CELF2: variants seen among roughly 807,000 people sequenced by gnomAD.
The protein encoded by CELF2 is CUGBP Elav-like family member 2.
A neutral mutation model predicts 62.6 loss-of-function variants in CELF2; 8 were observed. The ratio of observed to expected loss-of-function variants is 0.13; its 90% CI spans 0.07 to 0.23. The LOEUF (loss-of-function observed/expected upper bound fraction) is 0.23. Ranked by LOEUF, CELF2 falls within the 10% of genes least tolerant of loss-of-function variation. CELF2 has a pLI of 1.00. For synonymous variants in CELF2, 258 were observed against 250.0 expected, an observed-to-expected ratio of 1.03 and a Z score of -0.30; for missense variants, 333 against 671.0, an observed-to-expected ratio of 0.50 and a Z score of 5.56.
chr10:11,005,075 C>A (rs545283199), upstream of CELF2: 1 of 985,278 alleles, frequency 1.0e-6, no homozygotes, highest in South Asian at 4.7e-5. The surrounding 1 kb of genome is among the most constrained non-coding windows in gnomAD (Gnocchi z 4.3). Context: ...GTAATACCAG[C>A]CAGGCTTGAG....
chr10:11,221,643 A>G (rs890465082), intron 3 of CELF2, among the ~76,000 whole-genome samples: 1 of 152,244 alleles, frequency 6.6e-6, no homozygotes, highest in Non-Finnish European at 1.5e-5. Flanking sequence ...ATGTAATAAC[A>G]GAGAGGAATA....
upstream of CELF2, chr10:10,794,814 TATCCTC>T (rs1461922199): frequency 6.6e-6 from 1 of 152,186 alleles, no homozygotes; most frequent in African/African-American, 2.4e-5. Flanking sequence ...CTAATGATAT[TATCCTC>T]AACCACATGA....
At position 11,268,036 on chromosome 10, in the gene CELF2, C is replaced by T. The variant is rs772278614; in HGVS notation, c.618+1359C>T. On this transcript the variant is annotated intron_variant, in intron 6 of 12. Transcript: ENST00000633077. This position sits in a 1 kb window ranked among gnomAD's most constrained non-coding sequence, Gnocchi z 4.7. ...TCAGGTGAAAATCGGGCATGATAGGCGATAATGAGCAGGATTTGGAATGTC... is the reference window on the plus strand; with the variant it reads ...TCAGGTGAAAATCGGGCATGATAGGTGATAATGAGCAGGATTTGGAATGTC... Among the ~76,000 whole-genome samples, 1 of 152,032 alleles carries T rather than the reference C, an allele frequency of 6.6e-6. No individual in the cohort carries two copies. The highest frequency in any genetic ancestry group is 2.4e-5 in the African/African-American group (1 of 41,380).
Position 11,315,704 on chromosome 10 carries a change from CCTCATTGTTTTATT to C in CELF2, c.1096+1448_1096+1461del, listed in dbSNP as rs1280973634. 6.6e-5 allele frequency among the ~76,000 whole-genome samples: 10 copies of C among 152,160 alleles called. No homozygotes were observed. In the East Asian group the frequency reaches 1.5e-3, roughly 23 times the overall value. On this transcript the variant is annotated intron_variant, in intron 10 of 12. Transcript: ENST00000633077. This position sits in a 1 kb window ranked among gnomAD's most constrained non-coding sequence, Gnocchi z 5.8. ...CCGTGAAGTGGTAGCTGTGCCGCGG[CCTCATTGTTTTATT>C]CCAGTTAGAACCGCCTCCAGCTTTG...
the CELF2 span, among the ~76,000 whole-genome samples, chr10:10,513,097 A>C: frequency 6.6e-5 from 10 of 152,318 alleles, no homozygotes; most frequent in African/African-American, 2.4e-4. Flanking sequence ...ATGCACAATG[A>C]TAATAATCAG....
the CELF2 span, among the ~76,000 whole-genome samples, chr10:10,601,053 C>T: frequency 3.9e-5 from 6 of 152,168 alleles, no homozygotes; most frequent in Admixed American, 6.5e-5. Flanking sequence ...GCGAGAGCAA[C>T]AGCCAGACCG....
intron 1 of CELF2, among the ~76,000 whole-genome samples, chr10:11,060,517 C>T (rs1284613132): frequency 6.6e-6 from 1 of 152,180 alleles, no homozygotes; most frequent in African/African-American, 2.4e-5. Flanking sequence ...GTCTTTAAAA[C>T]TCTCCTTGGC....
At chr10:11,304,164 G>A (rs1028111857) in intron 9 of CELF2, among the ~76,000 whole-genome samples, 7 of 152,180 alleles carry the variant, frequency 4.6e-5, no homozygotes, top group Admixed American at 2.6e-4. Context: ...AGCAGGGTGT[G>A]TTCCTTCTGG....
intron 1 of CELF2, among the ~76,000 whole-genome samples, chr10:10,891,341 T>C (rs2062123736): frequency 6.6e-6 from 1 of 152,042 alleles, no homozygotes. Flanking sequence ...TGCTGTTGCC[T>C]CCTCTAAGAC....
In CELF2 at chr10:11,039,896, T is replaced by A. The variant is rs2061531185; in HGVS notation, c.74+21733T>A. ...TGTGGTATGTGTTGGGGGTGGGATC[T>A]TCCTGTTTGTTTTTGTCAAGCTAAT... On this transcript the variant is annotated intron_variant, in intron 1 of 12. Transcript: ENST00000633077. This position sits in a 1 kb window ranked among gnomAD's most constrained non-coding sequence, Gnocchi z 4.1. Among the ~76,000 whole-genome samples the A allele has an allele frequency of 1.3e-5, 2 of 152,224 alleles. No individual in the cohort carries two copies. Among genetic ancestry groups the A allele is most frequent in the Admixed American group, 6.5e-5 (1 of 15,274 alleles).
chr10:10,872,744 C>A (rs149817309), intron 1 of CELF2, among the ~76,000 whole-genome samples: 47 of 152,048 alleles, frequency 3.1e-4, no homozygotes, highest in African/African-American at 1.1e-3. Context: ...TTTTTTGCAC[C>A]CATGGGGTGA....
At chr10:10,809,998 A>G (rs544567095) in intron 1 of CELF2, among the ~76,000 whole-genome samples, 3 of 152,308 alleles carry the variant, frequency 2.0e-5, no homozygotes, top group East Asian at 1.9e-4. Flanking sequence ...GTGGGTTTCT[A>G]TATTTCTGAC....
Position 11,319,720 on chromosome 10 carries a change from A to C in CELF2, c.1097-1469A>C. 2.1e-6 allele frequency: 1 copy of C among 467,352 alleles called. No homozygotes were observed. The highest frequency in any genetic ancestry group is 2.4e-5 in the Admixed American group (1 of 42,416). The allele number at this position is 467,352 out of a possible 1,614,324, so 29.0% of individuals were successfully genotyped here. ...ACCCCTGCTTGGTGTCTGTTCTGAG[A>C]AGCACAGGAATACCCGAGGTGAGGC... On this transcript the variant is annotated intron_variant, in intron 10 of 12. Coordinates refer to ENST00000633077, the MANE Select transcript of CELF2 (RefSeq NM_001326342.2). The surrounding 1 kb of genome is among the most constrained non-coding windows in gnomAD (Gnocchi z 4.4).
At chr10:10,859,945 G>T (rs1591284506) in intron 1 of CELF2, among the ~76,000 whole-genome samples, 1 of 152,202 alleles carries the variant, frequency 6.6e-6, no homozygotes, top group Non-Finnish European at 1.5e-5. Flanking sequence ...GGATATCAAA[G>T]AGTGTTTGTT....
At chr10:10,815,320 G>A (rs1358719741) in intron 1 of CELF2, among the ~76,000 whole-genome samples, 1 of 152,084 alleles carries the variant, frequency 6.6e-6, no homozygotes, top group African/African-American at 2.4e-5. Context: ...AGGACAATTT[G>A]CTCAATTAAT....
the CELF2 span, among the ~76,000 whole-genome samples, chr10:10,704,602 G>A: frequency 6.6e-6 from 1 of 152,166 alleles, no homozygotes; most frequent in Admixed American, 6.5e-5. Flanking sequence ...CTGGTGATCA[G>A]CATCCCTGGC....
At chr10:10,743,941 C>A in the CELF2 span, among the ~76,000 whole-genome samples, 1 of 152,138 alleles carries the variant, frequency 6.6e-6, no homozygotes, top group Non-Finnish European at 1.5e-5. Flanking sequence ...CTTTGATAAC[C>A]CCTGGATATG....
intron 1 of CELF2, among the ~76,000 whole-genome samples, chr10:10,888,928 T>A (rs890646290): frequency 6.6e-6 from 1 of 152,216 alleles, no homozygotes; most frequent in Non-Finnish European, 1.5e-5. Flanking sequence ...CATGTCACTC[T>A]TATCTTTGTC....
intron 1 of CELF2, chr10:11,096,520 A>C (rs2049913618): frequency 6.6e-6 from 1 of 152,214 alleles, no homozygotes; most frequent in Non-Finnish European, 1.5e-5. Context: ...ATAAAAATGG[A>C]AAATAAAAGC....
Sources: allele counts gnomAD v4.1 joint callset (sites outside exome capture counted in the v4.1 genomes callset), GRCh38; gene constraint gnomAD v4.1.1; non-coding constraint Gnocchi (gnomAD v3.1); transcripts MANE v1.5; gene names NCBI Gene and HGNC (gene_info 2026-07-23, HGNC 2026-07-21).